Variants in TMEM9B observed in about 807,000 individuals in gnomAD.
TMEM9B encodes the protein transmembrane protein 9B.
TMEM9B carries 8 observed loss-of-function variants against 23.5 expected under a neutral mutation model. The ratio of observed to expected loss-of-function variants is 0.34; its 90% CI spans 0.20 to 0.61. TMEM9B has a LOEUF of 0.61. Ranked by LOEUF, TMEM9B falls within the 20% of genes least tolerant of loss-of-function variation. TMEM9B has a pLI of 0.78. For missense variants in TMEM9B, 197 were observed against 252.3 expected (o/e 0.78, Z 1.49); for synonymous variants, 106 against 96.3 (o/e 1.10, Z -0.59).
intron 1 of TMEM9B, chr11:8,963,882 GA>G: frequency 6.0e-6 from 2 of 331,320 alleles, no homozygotes; most frequent in Non-Finnish European, 1.1e-5. Flanking sequence ...TCTCGGAGGT[GA>G]AAAGGTTGTC....
chr11:8,951,618 C>T (rs1006992075), intron 4 of TMEM9B, among the ~76,000 whole-genome samples: 4 of 150,528 alleles, frequency 2.7e-5, no homozygotes, highest in Admixed American at 6.6e-5. Context: ...ATTAGCCGGG[C>T]GCGATGGCGG....
chr11:8,950,032 G>A (rs1245208192), intron 4 of TMEM9B, among the ~76,000 whole-genome samples: 3 of 151,484 alleles, frequency 2.0e-5, no homozygotes, highest in Non-Finnish European at 2.9e-5. Context: ...CCAAGTAGCT[G>A]GGACCTATAG....
chr11:8,960,658 G>A (rs1021968444), intron 2 of TMEM9B, among the ~76,000 whole-genome samples: 2 of 151,726 alleles, frequency 1.3e-5, no homozygotes, highest in African/African-American at 4.8e-5. Context: ...ATTTATAGAA[G>A]TAACATAAAG....
chr11:8,963,945 G>A, intron 1 of TMEM9B: 1 of 498,134 alleles, frequency 2.0e-6, no homozygotes, highest in Non-Finnish European at 3.5e-6. Flanking sequence ...TAAGGCGGTG[G>A]GGGGCTGCTG....
At chr11:8,953,809 A>G (rs1182659906) in intron 3 of TMEM9B, among the ~76,000 whole-genome samples, 1 of 152,250 alleles carries the variant, frequency 6.6e-6, no homozygotes, top group East Asian at 1.9e-4. Context: ...ATATGGAGAA[A>G]CAGCCCTCAT....
In TMEM9B at chr11:8,949,180, G is replaced by A. The variant is rs1853831343; in HGVS notation, c.442-705C>T. Among the ~76,000 whole-genome samples, 4 of 152,212 alleles carry A rather than the reference G, an allele frequency of 2.6e-5. No homozygotes were observed. The South Asian group carries it at 8.3e-4, about 31-fold the overall frequency. On this transcript the variant is annotated intron_variant, in intron 4 of 4. Coordinates refer to ENST00000534025, the MANE Select transcript of TMEM9B (RefSeq NM_020644.3). ...CAAAGATTGAATCTTCCATTGTTAA[G>A]CACCCAGTGGCTTCCATGTAAGTTG...
At chr11:8,962,646 G>A (rs1854101048) in intron 1 of TMEM9B, 1 of 157,676 alleles carries the variant, frequency 6.3e-6, no homozygotes, top group African/African-American at 2.4e-5. Flanking sequence ...TTGATAAAAC[G>A]GGTTGGGCCA....
Position 8,962,061 on chromosome 11 carries a change from T to G in TMEM9B, c.197+31A>C, listed in dbSNP as rs780358166. The G allele has an allele frequency of 2.2e-6, 3 of 1,354,976 alleles. No homozygotes were observed. In the African/African-American group the frequency reaches 4.5e-5, roughly 20 times the overall value. The allele number at this position is 1,354,976 out of a possible 1,614,324, so 83.9% of individuals were successfully genotyped here. ...ACACTGACAACCACAGAAACAAATG[T>G]GACAGGTAATTCAGTAATCCAGATA... On this transcript the variant is annotated intron_variant, in intron 2 of 4. Coordinates refer to ENST00000534025, the MANE Select transcript of TMEM9B (RefSeq NM_020644.3).
rs78853651 is a variant in TMEM9B at position 8,957,401 on chromosome 11, A to G, written c.198-1103T>C. On this transcript the variant is annotated intron_variant, in intron 2 of 4. Transcript: ENST00000534025. The surrounding 1 kb of genome is among the most constrained non-coding windows in gnomAD (Gnocchi z 4.3). The stretch of plus-strand genomic sequence containing the variant: ...TATTCTCCTCAACTATTAAGAGTCT[A>G]TGACTCTGATCACCTTCAGCAAAAT... 7.2e-5 allele frequency among the ~76,000 whole-genome samples: 11 copies of G among 152,260 alleles called. No homozygotes were observed. The highest frequency in any genetic ancestry group is 8.8e-5 in the Non-Finnish European group (6 of 68,052).
chr11:8,956,268 A>G lies in TMEM9B; in HGVS notation c.228T>C (p.Pro76=), dbSNP rs1459377242. The G allele has an allele frequency of 6.2e-7, 1 of 1,613,668 alleles. No individual in the cohort carries two copies. The highest frequency in any genetic ancestry group is 2.2e-5 in the East Asian group (1 of 44,882). ...CDCLHVVEPM[P]VRGPDVEAYC... ...ATGCTTCTACATCAGGCCCCCGCAC[A>G]GGCATGGGCTCCACAACATGAAGGC... Residue 76 remains proline (P), a synonymous_variant, in exon 3 of 5, where the codon CCT becomes CCC. Coordinates refer to ENST00000534025, the MANE Select transcript of TMEM9B (RefSeq NM_020644.3).
At position 8,957,798 on chromosome 11, in the gene TMEM9B, A is replaced by G. The variant is rs1049527468; in HGVS notation, c.198-1500T>C. ...TGCTAAATATTCTGATCAAATCACT[A>G]TATCTTATATGAATTGAAACATCAC... is the stretch of plus-strand genomic sequence containing the variant. On this transcript the variant is annotated intron_variant, in intron 2 of 4. Coordinates refer to ENST00000534025, the MANE Select transcript of TMEM9B (RefSeq NM_020644.3). This position sits in a 1 kb window ranked among gnomAD's most constrained non-coding sequence, Gnocchi z 4.3. Among the ~76,000 whole-genome samples, 2 of 152,238 alleles carry G rather than the reference A, an allele frequency of 1.3e-5. No individual in the cohort carries two copies. The highest frequency in any genetic ancestry group is 6.5e-5 in the Admixed American group (1 of 15,286).
intron 1 of TMEM9B, among the ~76,000 whole-genome samples, chr11:8,963,778 C>T (rs1217079128): frequency 6.6e-5 from 10 of 151,998 alleles, no homozygotes; most frequent in Admixed American, 5.2e-4. Context: ...CAGATGGGGG[C>T]TTCCTATCAT....
intron 4 of TMEM9B, among the ~76,000 whole-genome samples, chr11:8,948,886 C>T (rs949720017): frequency 2.6e-5 from 4 of 152,122 alleles, no homozygotes; most frequent in South Asian, 2.1e-4. Flanking sequence ...TTGCTTTATT[C>T]GATACTATAA....
chr11:8,954,685 TACAAATCTGTTA>T (rs1853942051), intron 3 of TMEM9B, among the ~76,000 whole-genome samples: 1 of 152,252 alleles, frequency 6.6e-6, no homozygotes, highest in African/African-American at 2.4e-5. Context: ...GTATATTTTT[TACAAATCTGTTA>T]AATAATAGTA....
chr11:8,953,788 T>G (rs1162752609), intron 3 of TMEM9B, among the ~76,000 whole-genome samples: 1 of 152,170 alleles, frequency 6.6e-6, no homozygotes, highest in Non-Finnish European at 1.5e-5. Context: ...CAATACCAAG[T>G]ATTAGCAAGG....
intron 4 of TMEM9B, among the ~76,000 whole-genome samples, chr11:8,952,357 A>G (rs1853901511): frequency 6.6e-6 from 1 of 151,560 alleles, no homozygotes; most frequent in Non-Finnish European, 1.5e-5. Context: ...AAAGACAGGA[A>G]GAGAATCTGG....
intron 2 of TMEM9B, 113 bp downstream of exon 2, chr11:8,961,979 T>C: frequency 1.4e-6 from 1 of 690,036 alleles, no homozygotes; most frequent in Non-Finnish European, 2.3e-6. Flanking sequence ...TTCACATTTT[T>C]GCTTCAAATG....
chr11:8,948,473 A>G lies in TMEM9B; in HGVS notation c.444T>C (p.Asp148=). The G allele has an allele frequency of 6.2e-7, 1 of 1,613,786 alleles. No homozygotes were observed. Among genetic ancestry groups the G allele is most frequent in the Non-Finnish European group, 8.5e-7 (1 of 1,179,854 alleles). Reference sequence around the variant, plus strand: ...CGTGTGCATTTGCAAAAGGCTGGTGATCCTAAAAGTCCAGGAATGGAGAAC... The same window carrying G: ...CGTGTGCATTTGCAAAAGGCTGGTGGTCCTAAAAGTCCAGGAATGGAGAAC... ...QLIQSDDDIG[D]HQPFANAHDV... is the part of the protein sequence containing the mutation. The change falls in exon 5 of 5, where the codon GAT becomes GAC. Residue 148 remains aspartate, a splice_region_variant and synonymous_variant. Transcript: ENST00000534025.
At position 8,958,287 on chromosome 11, in the gene TMEM9B, C is replaced by T. The variant is rs147161787; in HGVS notation, c.198-1989G>A. On this transcript the variant is annotated intron_variant, in intron 2 of 4. Transcript: ENST00000534025. ...ACCTGCCTGACCAACAGGGTGAAACCCCATTTCTACTAAAAATACAAAAAA... is the reference window on the plus strand; with the variant it reads ...ACCTGCCTGACCAACAGGGTGAAACTCCATTTCTACTAAAAATACAAAAAA... 3.0e-3 allele frequency among the ~76,000 whole-genome samples: 451 copies of T among 151,108 alleles called. 7 individuals carry two copies. The East Asian group carries it at 0.043, about 14-fold the overall frequency.
Sources: gnomAD v4.1 joint callset for allele counts (sites outside exome capture counted in the v4.1 genomes callset) on GRCh38, gnomAD v4.1.1 for gene constraint, Gnocchi (gnomAD v3.1) non-coding constraint, MANE v1.5 for transcripts, NCBI Gene and HGNC (gene_info 2026-07-23, HGNC 2026-07-21) for gene names.